Variants in PITPNC1 observed in about 807,000 individuals in gnomAD.
PITPNC1 encodes the protein phosphatidylinositol transfer protein cytoplasmic 1.
PITPNC1 carries 18 observed loss-of-function variants against 44.7 expected under a neutral mutation model. The observed-to-expected ratio is 0.40, with a 90% CI of 0.28 to 0.60. The LOEUF (loss-of-function observed/expected upper bound fraction) is 0.60, where lower values mean the gene tolerates loss of function less well. PITPNC1 is among the 20% of genes least tolerant of loss of function. The probability of loss-of-function intolerance (pLI) is 0.39; values close to 1 mark genes in which losing one functional copy is unlikely to be tolerated. For synonymous variants in PITPNC1, 141 were observed against 149.6 expected (o/e 0.94, Z 0.42); for missense variants, 290 against 418.4 (o/e 0.69, Z 2.68).
At chr17:67,610,395 G>T (rs144887743) in intron 5 of PITPNC1, among the ~76,000 whole-genome samples, 1 of 152,168 alleles carries the variant, frequency 6.6e-6, no homozygotes, top group African/African-American at 2.4e-5. Context: ...AAGGGATTCC[G>T]CTCCGAAAAT....
chr17:67,628,345 T>A (rs966217668), intron 5 of PITPNC1, among the ~76,000 whole-genome samples: 1 of 152,074 alleles, frequency 6.6e-6, no homozygotes, highest in Non-Finnish European at 1.5e-5. Flanking sequence ...AGGGCAGCAC[T>A]TTGTATGCAA....
At chr17:67,573,997 T>C (rs1399946676) in intron 4 of PITPNC1, among the ~76,000 whole-genome samples, 4 of 152,180 alleles carry the variant, frequency 2.6e-5, no homozygotes, top group African/African-American at 7.2e-5. Flanking sequence ...TCATTATATT[T>C]TTAGGCTGTG....
At chr17:67,608,857 T>C (rs1375626970) in intron 5 of PITPNC1, among the ~76,000 whole-genome samples, 1 of 151,730 alleles carries the variant, frequency 6.6e-6, no homozygotes, top group East Asian at 1.9e-4. Flanking sequence ...CACTGGCTGG[T>C]TTTGTGCATG....
chr17:67,567,985 GA>G (rs746149719), intron 4 of PITPNC1, among the ~76,000 whole-genome samples: 14 of 151,932 alleles, frequency 9.2e-5, no homozygotes, highest in Non-Finnish European at 1.8e-4. Context: ...AAGAAAGAAA[GA>G]AAGGAGAAGA....
chr17:67,645,159 G>A (rs957799332), intron 6 of PITPNC1, among the ~76,000 whole-genome samples: 1 of 152,030 alleles, frequency 6.6e-6, no homozygotes, highest in Non-Finnish European at 1.5e-5. Flanking sequence ...TGACCAACAC[G>A]GAGAAACCGC....
At chr17:67,495,310 A>G (rs1224595158) in intron 1 of PITPNC1, among the ~76,000 whole-genome samples, 1 of 151,990 alleles carries the variant, frequency 6.6e-6, no homozygotes, top group Non-Finnish European at 1.5e-5. Flanking sequence ...CGTCCGCCTC[A>G]GCCTCCCAAA....
intron 2 of PITPNC1, among the ~76,000 whole-genome samples, chr17:67,542,204 C>G (rs2040619063): frequency 6.6e-6 from 1 of 152,090 alleles, no homozygotes; most frequent in African/African-American, 2.4e-5. Context: ...TAAACCAGGT[C>G]CACCATTTCA....
At chr17:67,493,003 C>T (rs145067390) in intron 1 of PITPNC1, among the ~76,000 whole-genome samples, 3 of 152,348 alleles carry the variant, frequency 2.0e-5, no homozygotes, top group African/African-American at 4.8e-5. Context: ...TTGTGAGTTA[C>T]ATTCTCAGGA....
At chr17:67,646,287 G>C (rs897884926) in intron 6 of PITPNC1, among the ~76,000 whole-genome samples, 1 of 152,184 alleles carries the variant, frequency 6.6e-6, no homozygotes, top group African/African-American at 2.4e-5. Context: ...ACCTGACAGA[G>C]CGATTGTCTG....
chr17:67,440,855 G>T (rs150883969), intron 1 of PITPNC1, among the ~76,000 whole-genome samples: 79 of 152,146 alleles, frequency 5.2e-4, no homozygotes, highest in African/African-American at 1.8e-3. Context: ...ACCTCTTGCA[G>T]GACTTTTGGG....
At chr17:67,636,079 A>G (rs2042028288) in intron 6 of PITPNC1, among the ~76,000 whole-genome samples, 1 of 152,140 alleles carries the variant, frequency 6.6e-6, no homozygotes, top group Non-Finnish European at 1.5e-5. Flanking sequence ...CAGGTGAATC[A>G]CAAGGTCAGG....
At chr17:67,637,711 G>A (rs1214487519) in intron 6 of PITPNC1, 1 of 152,132 alleles carries the variant, frequency 6.6e-6, no homozygotes, top group Non-Finnish European at 1.5e-5. Flanking sequence ...GGGGATTCAG[G>A]ACCAGCTGAT....
rs2042948881 is a variant in PITPNC1 at position 67,692,552 on chromosome 17, TTC to T, written c.683-18_683-17del. 7.6e-6 allele frequency: 12 copies of T among 1,579,010 alleles called. No individual in the cohort carries two copies. Among genetic ancestry groups the T allele is most frequent in the East Asian group, 2.2e-5 (1 of 44,488 alleles). ...CTTATAAATAACTGCTCGTTTTTCT[TTC>T]TGTTTTTCTCCTTGAAGACATGACA... On this transcript the variant is annotated intron_variant, in intron 8 of 8. Coordinates refer to ENST00000581322, the MANE Select transcript of PITPNC1 (RefSeq NM_012417.4).
intron 5 of PITPNC1, among the ~76,000 whole-genome samples, chr17:67,627,953 G>A (rs1294151327): frequency 5.0e-5 from 7 of 141,230 alleles, no homozygotes; most frequent in Admixed American, 7.5e-5. Flanking sequence ...TTGAGATGGC[G>A]TCTCACTGTG....
At chr17:67,531,029 G>A (rs1057212566) in intron 1 of PITPNC1, among the ~76,000 whole-genome samples, 6 of 152,132 alleles carry the variant, frequency 3.9e-5, no homozygotes, top group African/African-American at 1.4e-4. Context: ...AATTGCTTGA[G>A]CCCAGGAGTT....
chr17:67,673,938 G>A (rs1369938275), intron 7 of PITPNC1, among the ~76,000 whole-genome samples: 3 of 123,332 alleles, frequency 2.4e-5, no homozygotes, highest in Non-Finnish European at 4.7e-5. Flanking sequence ...CTGCACTCCA[G>A]CCTAGGGGAC....
At chr17:67,382,379 CATTA>C (rs921426841) in intron 1 of PITPNC1, among the ~76,000 whole-genome samples, 3 of 150,442 alleles carry the variant, frequency 2.0e-5, no homozygotes, top group African/African-American at 7.4e-5. Flanking sequence ...GTGTTTTAGA[CATTA>C]ATTTCAGAGT....
At chr17:67,524,176 C>T (rs4791283) in intron 1 of PITPNC1, among the ~76,000 whole-genome samples, 100,811 of 152,090 alleles carry the variant, frequency 0.66, 33,956 homozygotes, top group East Asian at 0.88. Context: ...CTCATGGTAG[C>T]TTACACCTAT....
chr17:67,523,726 T>C (rs1568025633), intron 1 of PITPNC1, among the ~76,000 whole-genome samples: 1 of 150,890 alleles, frequency 6.6e-6, no homozygotes, highest in Non-Finnish European at 1.5e-5. Context: ...TAATAGCCAG[T>C]CCTCAGGAAG....
Sources: allele counts gnomAD v4.1 joint callset (sites outside exome capture counted in the v4.1 genomes callset), GRCh38; gene constraint gnomAD v4.1.1; transcripts MANE v1.5; gene names NCBI Gene and HGNC (gene_info 2026-07-23, HGNC 2026-07-21).